SDK1: variants seen among roughly 807,000 people sequenced by gnomAD.
The protein encoded by SDK1 is protein sidekick-1.
A neutral mutation model predicts 245.5 loss-of-function variants in SDK1; 157 were observed. That is an observed-to-expected ratio of 0.64 (90% CI 0.56 to 0.73). The LOEUF (loss-of-function observed/expected upper bound fraction) is 0.73, where lower values mean the gene tolerates loss of function less well. SDK1 is among the 30% of genes least tolerant of loss of function. The pLI is 0.00. For synonymous variants in SDK1, 1,647 were observed against 1,278.5 expected (o/e 1.29, Z -6.15); for missense variants, 3,583 against 3,002.3 (o/e 1.19, Z -4.52).
chr7:3,672,759 T>TATATA (rs1554307103), intron 4 of SDK1, among the ~76,000 whole-genome samples: 3 of 50,756 alleles, frequency 5.9e-5, no homozygotes, highest in African/African-American at 1.7e-4. Context: ...ATATATAATT[T>TATATA]TATATATATA....
intron 28 of SDK1, among the ~76,000 whole-genome samples, chr7:4,132,815 T>A (rs1191253824): frequency 1.3e-5 from 2 of 152,214 alleles, no homozygotes; most frequent in African/African-American, 2.4e-5. Flanking sequence ...TAGATGTTTA[T>A]GAGGTTAAAC....
intron 4 of SDK1, among the ~76,000 whole-genome samples, chr7:3,757,578 A>T (rs926099984): frequency 1.3e-5 from 2 of 152,074 alleles, no homozygotes; most frequent in African/African-American, 4.8e-5. Flanking sequence ...ATTATAAAGG[A>T]TACAACTCAG....
chr7:4,220,181 A>C lies in SDK1; in HGVS notation c.5612A>C (p.Lys1871Thr). 1 of 1,614,104 alleles carries C rather than the reference A, an allele frequency of 6.2e-7. No individual in the cohort carries two copies. The highest frequency in any genetic ancestry group is 2.2e-5 in the East Asian group (1 of 44,838). ...TGGCTGAAGGTGCGGGACCTCACCA[A>C]GGGAGTGACCTATTTCTTCCGTGTC... ...QRWLKVRDLT[K>T]GVTYFFRVQA... is the part of the protein sequence containing the mutation. Residue 1871 changes from lysine to threonine, a missense_variant, in exon 39 of 45, where the codon AAG becomes ACG. Lys to Thr is a moderately conservative substitution (Grantham distance 78, BLOSUM62 -1). Transcript: ENST00000404826.
chr7:4,069,397 TGG>T (rs1202798220), intron 20 of SDK1, among the ~76,000 whole-genome samples: 2 of 152,266 alleles, frequency 1.3e-5, no homozygotes, highest in Non-Finnish European at 2.9e-5. Context: ...CAGCCCTCTC[TGG>T]GGGCTTTGCC....
At chr7:3,826,887 G>C (rs1319739618) in intron 5 of SDK1, among the ~76,000 whole-genome samples, 1 of 152,182 alleles carries the variant, frequency 6.6e-6, no homozygotes. Flanking sequence ...ATTGGGGAAT[G>C]AGTTTTAGAA....
chr7:3,896,964 C>T (rs538309354), intron 5 of SDK1, among the ~76,000 whole-genome samples: 1 of 152,206 alleles, frequency 6.6e-6, no homozygotes, highest in Admixed American at 6.5e-5. Flanking sequence ...ACAATCATGG[C>T]AGAAGGGTGA....
At chr7:4,123,332 T>G (rs1784186922) in intron 25 of SDK1, among the ~76,000 whole-genome samples, 1 of 152,238 alleles carries the variant, frequency 6.6e-6, no homozygotes, top group African/African-American at 2.4e-5. Flanking sequence ...GTTTACATTT[T>G]TTTTTTAATG....
chr7:3,344,983 A>G (rs1042763921), intron 1 of SDK1, among the ~76,000 whole-genome samples: 5 of 152,220 alleles, frequency 3.3e-5, no homozygotes, highest in African/African-American at 1.2e-4. Context: ...AACTTATGTA[A>G]AAATCTGAAT....
At chr7:3,754,568 G>C (rs561202460) in intron 4 of SDK1, among the ~76,000 whole-genome samples, 1 of 151,324 alleles carries the variant, frequency 6.6e-6, no homozygotes, top group Non-Finnish European at 1.5e-5. Context: ...AGTATCCCCT[G>C]TTCCCTGCAT....
intron 1 of SDK1, among the ~76,000 whole-genome samples, chr7:3,515,172 G>A (rs186072642): frequency 4.5e-4 from 69 of 152,268 alleles, no homozygotes; most frequent in Middle Eastern, 3.4e-3. Context: ...GCTGTTTTGA[G>A]CAACCTTCTG....
chr7:3,522,879 G>A (rs973177765), intron 1 of SDK1, among the ~76,000 whole-genome samples: 13 of 152,210 alleles, frequency 8.5e-5, no homozygotes, highest in African/African-American at 3.1e-4. Context: ...GCCTTTGTCT[G>A]CGGAGATCTG....
At chr7:3,478,648 T>C (rs560039482) in intron 1 of SDK1, among the ~76,000 whole-genome samples, 28 of 152,226 alleles carry the variant, frequency 1.8e-4, no homozygotes, top group Non-Finnish European at 2.6e-4. Flanking sequence ...TATTAGACTT[T>C]CCAAAGAATC....
chr7:3,370,713 A>G (rs1042891921), intron 1 of SDK1, among the ~76,000 whole-genome samples: 5 of 152,348 alleles, frequency 3.3e-5, no homozygotes, highest in Admixed American at 3.3e-4. Flanking sequence ...ACTATATAGC[A>G]CATGTTCTAT....
chr7:3,340,101 CTTTAG>C (rs1780306432), intron 1 of SDK1, among the ~76,000 whole-genome samples: 2 of 150,992 alleles, frequency 1.3e-5, no homozygotes, highest in Admixed American at 1.3e-4. Flanking sequence ...GAGGAAATAT[CTTTAG>C]TTTTAATTAG....
chr7:3,590,550 C>G (rs954133284), intron 1 of SDK1, among the ~76,000 whole-genome samples: 1 of 152,008 alleles, frequency 6.6e-6, no homozygotes. Context: ...ACAGTAATTC[C>G]TTGCATTGGG....
chr7:3,654,704 C>T (rs970828386), intron 4 of SDK1, among the ~76,000 whole-genome samples: 2 of 152,144 alleles, frequency 1.3e-5, no homozygotes, highest in Non-Finnish European at 2.9e-5. Context: ...GTTTCTGTGC[C>T]AAGTGAATAG....
At chr7:4,131,637 C>T (rs928637307) in intron 27 of SDK1, among the ~76,000 whole-genome samples, 2 of 152,214 alleles carry the variant, frequency 1.3e-5, no homozygotes, top group Non-Finnish European at 2.9e-5. Context: ...CACACACTTA[C>T]TTGCCTGTTC....
chr7:3,564,947 G>C (rs1583171399), intron 1 of SDK1, among the ~76,000 whole-genome samples: 2 of 151,966 alleles, frequency 1.3e-5, no homozygotes, highest in African/African-American at 4.8e-5. Context: ...CTGTTTAGGA[G>C]ACAAATCTGG....
At chr7:3,838,674 G>A (rs1396109170) in intron 5 of SDK1, among the ~76,000 whole-genome samples, 2 of 152,192 alleles carry the variant, frequency 1.3e-5, no homozygotes, top group South Asian at 2.1e-4. Context: ...TGAACACAGC[G>A]ATCTGAGGGA....
Sources: gnomAD v4.1 joint callset for allele counts (sites outside exome capture counted in the v4.1 genomes callset) on GRCh38, gnomAD v4.1.1 for gene constraint, MANE v1.5 for transcripts, NCBI Gene and HGNC (gene_info 2026-07-23, HGNC 2026-07-21) for gene names.